The following TBC1D9 variants were observed in gnomAD, a reference collection of about 807,000 sequenced individuals.
The protein encoded by TBC1D9 is TBC1 domain family member 9A.
In TBC1D9, 63 loss-of-function variants were observed where a neutral mutation model predicts 132.0. The ratio of observed to expected loss-of-function variants is 0.48; its 90% CI spans 0.39 to 0.59. The LOEUF (loss-of-function observed/expected upper bound fraction) is 0.59. Ranked by LOEUF, TBC1D9 falls within the 20% of genes least tolerant of loss-of-function variation. TBC1D9 has a pLI of 0.00. For missense variants in TBC1D9, 1,261 were observed against 1,592.7 expected (o/e 0.79, Z 3.54); for synonymous variants, 610 against 609.9 (o/e 1.00, Z 0.00).
chr4:140,638,845 AT>A (rs537627550), intron 15 of TBC1D9, among the ~76,000 whole-genome samples: 1 of 152,168 alleles, frequency 6.6e-6, no homozygotes, highest in East Asian at 1.9e-4. Flanking sequence ...GCAATAACCT[AT>A]TTTTTTAGGT....
chr4:140,671,037 C>T (rs1737528083), intron 6 of TBC1D9, 111 bp from the exon 7 acceptor site: 1 of 889,140 alleles, frequency 1.1e-6, no homozygotes, highest in African/African-American at 1.7e-5. Flanking sequence ...ATAGGAACCA[C>T]CTATATTTTA....
chr4:140,737,993 C>T (rs1738701523), intron 1 of TBC1D9, among the ~76,000 whole-genome samples: 4 of 152,208 alleles, frequency 2.6e-5, no homozygotes, highest in Admixed American at 1.3e-4. Flanking sequence ...AAGAAAAAAT[C>T]GATTTGGGAG....
At chr4:140,646,210 G>A (rs200795011) in intron 13 of TBC1D9, among the ~76,000 whole-genome samples, 1 of 152,294 alleles carries the variant, frequency 6.6e-6, no homozygotes, top group East Asian at 1.9e-4. Flanking sequence ...AGAAATCGTA[G>A]TTTAGCCAAA....
rs528057147 is a variant in TBC1D9, at chr4:140,654,893, T to C, written c.2337+2204A>G. ...AAGACAATAATCAGAGATGTGATAT[T>C]TGGGTACAAGTTTATCTTAGAATGC... On this transcript the variant is annotated intron_variant, in intron 13 of 20. Coordinates refer to ENST00000442267, the MANE Select transcript of TBC1D9 (RefSeq NM_015130.3). Among the ~76,000 whole-genome samples, 4 of 152,252 alleles carry C rather than the reference T, an allele frequency of 2.6e-5. 1 individual carries two copies. The South Asian group carries it at 8.3e-4, about 32-fold the overall frequency.
chr4:140,756,375 GGGA>G lies in TBC1D9; in HGVS notation c.-333_-331del, dbSNP rs1318964686. On this transcript the variant is annotated 5_prime_UTR_variant, in exon 1 of 21. Transcript: ENST00000442267. The surrounding 1 kb of genome is among the most constrained non-coding windows in gnomAD (Gnocchi z 5.6). ...CCCGGCCCACGGCGGCGGGAGGAGC[GGGA>G]GGAGGAGGAAGAGGAGGAGGAAGGG... 1.3e-5 allele frequency among the ~76,000 whole-genome samples: 2 copies of G among 152,044 alleles called. No individual in the cohort carries two copies. Among genetic ancestry groups the G allele is most frequent in the South Asian group, 2.1e-4 (1 of 4,830 alleles).
intron 1 of TBC1D9, among the ~76,000 whole-genome samples, chr4:140,737,268 C>G (rs1341892901): frequency 1.3e-5 from 2 of 151,996 alleles, no homozygotes; most frequent in African/African-American, 4.8e-5. Context: ...TAGTGAGGGG[C>G]CCCTGAGCGG....
chr4:140,693,640 C>T (rs1024844074), intron 2 of TBC1D9, among the ~76,000 whole-genome samples: 1 of 152,198 alleles, frequency 6.6e-6, no homozygotes, highest in Non-Finnish European at 1.5e-5. Context: ...CAGCAGAACA[C>T]AAAGACCTCA....
At chr4:140,699,887 C>A (rs1738036976) in intron 2 of TBC1D9, among the ~76,000 whole-genome samples, 1 of 152,178 alleles carries the variant, frequency 6.6e-6, no homozygotes. Flanking sequence ...TCTGAACAAT[C>A]TGCTCAACTT....
chr4:140,623,313 C>A (rs1460586794), intron 20 of TBC1D9, among the ~76,000 whole-genome samples: 1 of 152,168 alleles, frequency 6.6e-6, no homozygotes, highest in Admixed American at 6.5e-5. Context: ...AGTGATCCTC[C>A]TGCCTTGGCC....
Position 140,686,338 on chromosome 4 carries a change from C to G in TBC1D9, c.360+6G>C. The G allele has an allele frequency of 7.1e-7, 1 of 1,408,098 alleles. No homozygotes were observed. The allele number at this position is 1,408,098 out of a possible 1,614,324, so 87.2% of individuals were successfully genotyped here. A position where few individuals can be genotyped will look rare whatever the true frequency, so the allele number is the denominator to read the frequency against. On this transcript the variant is annotated splice_donor_region_variant and intron_variant, in intron 3 of 20. Coordinates refer to ENST00000442267, the MANE Select transcript of TBC1D9 (RefSeq NM_015130.3). ...CAATTAAAATGTTTTTCTTTTATCCCACTACCTGTATTTTTCCTCTCACAA... is the reference window on the plus strand; with the variant it reads ...CAATTAAAATGTTTTTCTTTTATCCGACTACCTGTATTTTTCCTCTCACAA...
At chr4:140,666,133 T>C (rs541149854) in intron 9 of TBC1D9, among the ~76,000 whole-genome samples, 1 of 152,220 alleles carries the variant, frequency 6.6e-6, no homozygotes, top group East Asian at 1.9e-4. Flanking sequence ...TAAAAAGGAA[T>C]GAAATGCTGA....
At chr4:140,738,501 A>G (rs2111075474) in intron 1 of TBC1D9, among the ~76,000 whole-genome samples, 1 of 152,192 alleles carries the variant, frequency 6.6e-6, no homozygotes, top group South Asian at 2.1e-4. Flanking sequence ...TAAATATTGA[A>G]ATTCCCAAAA....
chr4:140,633,428 AGGCTG>A (rs1736828936), intron 16 of TBC1D9, among the ~76,000 whole-genome samples: 1 of 152,120 alleles, frequency 6.6e-6, no homozygotes, highest in Admixed American at 6.5e-5. Context: ...GTGTGGGGTG[AGGCTG>A]GGCCTGCTCC....
intron 1 of TBC1D9, among the ~76,000 whole-genome samples, chr4:140,744,808 G>T (rs1044175458): frequency 6.7e-6 from 1 of 150,040 alleles, no homozygotes; most frequent in Non-Finnish European, 1.5e-5. Flanking sequence ...GCTTGAACCT[G>T]GGAGATAGAG....
At chr4:140,664,084 C>T (rs1260136803) in intron 9 of TBC1D9, among the ~76,000 whole-genome samples, 1 of 146,490 alleles carries the variant, frequency 6.8e-6, no homozygotes, top group East Asian at 2.0e-4. Context: ...AAGAAAAAAT[C>T]ATGGGAACAA....
intron 6 of TBC1D9, among the ~76,000 whole-genome samples, 152 bp downstream of exon 6, chr4:140,676,742 T>A (rs1279442252): frequency 6.6e-6 from 1 of 152,144 alleles, no homozygotes; most frequent in African/African-American, 2.4e-5. Context: ...GTCACAGCAG[T>A]GACAACAAAT....
intron 1 of TBC1D9, among the ~76,000 whole-genome samples, chr4:140,727,799 A>C (rs1254497081): frequency 1.3e-5 from 2 of 152,022 alleles, no homozygotes; most frequent in Admixed American, 6.5e-5. Flanking sequence ...CGAATTAGCC[A>C]GGAAGTTAAA....
At chr4:140,732,486 C>T (rs926079740) in intron 1 of TBC1D9, among the ~76,000 whole-genome samples, 2 of 152,192 alleles carry the variant, frequency 1.3e-5, no homozygotes, top group Admixed American at 6.5e-5. Flanking sequence ...GAAATTAGAA[C>T]ACCTTTCCCA....
intron 13 of TBC1D9, among the ~76,000 whole-genome samples, chr4:140,640,447 T>TGGGGGGGGG (rs55770281): frequency 1.9e-4 from 20 of 107,990 alleles, no homozygotes; most frequent in East Asian, 2.8e-4. Context: ...GGTGGTGGGG[T>TGGGGGGGGG]GGGGGGGGGA....
Sources: gnomAD v4.1 joint callset for allele counts (sites outside exome capture counted in the v4.1 genomes callset) on GRCh38, gnomAD v4.1.1 for gene constraint, Gnocchi (gnomAD v3.1) non-coding constraint, MANE v1.5 for transcripts, NCBI Gene and HGNC (gene_info 2026-07-23, HGNC 2026-07-21) for gene names.